TSPAN9: variants seen among roughly 807,000 people sequenced by gnomAD.
TSPAN9 encodes tetraspanin-9.
Under a neutral mutation model 31.0 loss-of-function variants are expected in TSPAN9, and 16 were observed. The observed-to-expected ratio is 0.52, with a 90% CI of 0.35 to 0.78. The LOEUF (loss-of-function observed/expected upper bound fraction) is 0.78, where lower values mean the gene tolerates loss of function less well. Among genes scored for constraint, TSPAN9 ranks in the 30% least tolerant of loss-of-function variants. The probability of loss-of-function intolerance (pLI) is 0.01; values close to 1 mark genes in which losing one functional copy is unlikely to be tolerated. For synonymous variants in TSPAN9, 145 were observed against 121.6 expected (o/e 1.19, Z -1.27); for missense variants, 272 against 312.5 (o/e 0.87, Z 0.98).
intron 2 of TSPAN9, among the ~76,000 whole-genome samples, chr12:3,163,252 A>G (rs192999031): frequency 2.6e-4 from 40 of 152,338 alleles, no homozygotes; most frequent in South Asian, 1.2e-3. Context: ...AAGCCTGCCA[A>G]CTGTTCAAGG....
chr12:3,278,655 C>T, intron 4 of TSPAN9, 43 bp downstream of exon 4: 3 of 1,591,478 alleles, frequency 1.9e-6, no homozygotes, highest in Non-Finnish European at 2.6e-6. Context: ...CTCCTGATCT[C>T]CTTGCACTTG....
At chr12:3,159,434 A>C (rs929754067) in intron 2 of TSPAN9, among the ~76,000 whole-genome samples, 1 of 152,140 alleles carries the variant, frequency 6.6e-6, no homozygotes, top group African/African-American at 2.4e-5. Context: ...TACAGGCTCA[A>C]TTTTGCCCCT....
chr12:3,251,342 G>C lies in TSPAN9; in HGVS notation c.64-27079G>C, dbSNP rs554427840. Among the ~76,000 whole-genome samples, 4 of 152,236 alleles carry C rather than the reference G, an allele frequency of 2.6e-5. No homozygotes were observed. The South Asian group carries it at 8.3e-4, about 32-fold the overall frequency. The stretch of plus-strand genomic sequence containing the variant: ...CCTCGCATTGGTGGCATCCTCCCTG[G>C]TGGAAGGGTGCTGGGGGTGTGGGGA... On this transcript the variant is annotated intron_variant, in intron 3 of 8. Transcript: ENST00000011898.
chr12:3,219,335 G>A (rs1420805175), intron 3 of TSPAN9, among the ~76,000 whole-genome samples: 1 of 152,216 alleles, frequency 6.6e-6, no homozygotes, highest in Non-Finnish European at 1.5e-5. Context: ...AACACTCAAG[G>A]AAGGGTGGCC....
chr12:3,166,775 G>T (rs1039089168), intron 2 of TSPAN9, among the ~76,000 whole-genome samples: 5 of 152,102 alleles, frequency 3.3e-5, no homozygotes, highest in Non-Finnish European at 7.4e-5. Flanking sequence ...TAACAGCATA[G>T]ATTAGTGTTT....
chr12:3,155,616 G>A (rs2098341857), intron 2 of TSPAN9, among the ~76,000 whole-genome samples: 1 of 151,996 alleles, frequency 6.6e-6, no homozygotes, highest in Non-Finnish European at 1.5e-5. Context: ...AAAATAAAGA[G>A]GGAGCGAGAG....
intron 2 of TSPAN9, among the ~76,000 whole-genome samples, chr12:3,125,337 C>G (rs2098326869): frequency 6.6e-6 from 1 of 152,050 alleles, no homozygotes; most frequent in African/African-American, 2.4e-5. Context: ...AGCACAGCAC[C>G]TTTCATTGCA....
intron 3 of TSPAN9, among the ~76,000 whole-genome samples, chr12:3,229,353 G>A (rs1422327308): frequency 1.3e-5 from 2 of 152,166 alleles, no homozygotes; most frequent in Non-Finnish European, 2.9e-5. Context: ...TGGCCTTCGA[G>A]GTGCCTTTGA....
intron 3 of TSPAN9, among the ~76,000 whole-genome samples, chr12:3,237,018 C>T (rs746096320): frequency 2.6e-5 from 4 of 152,054 alleles, no homozygotes; most frequent in East Asian, 1.9e-4. Flanking sequence ...GTGAGCAGTG[C>T]GGTGTGAGGA....
At position 3,107,804 on chromosome 12, in the gene TSPAN9, T is replaced by C. The variant is rs2098315409; in HGVS notation, c.-18+24085T>C. The stretch of plus-strand genomic sequence containing the variant: ...TCCAGATACCTGGTGATATCGCTAG[T>C]GCTACCTGGGCATGAATTCATTTTT... On this transcript the variant is annotated intron_variant, in intron 2 of 8. Coordinates refer to ENST00000011898, the MANE Select transcript of TSPAN9 (RefSeq NM_006675.5). The surrounding 1 kb of genome is among the most constrained non-coding windows in gnomAD (Gnocchi z 4.1). Among the ~76,000 whole-genome samples, 1 of 152,258 alleles carries C rather than the reference T, an allele frequency of 6.6e-6. No individual in the cohort carries two copies. Among genetic ancestry groups the C allele is most frequent in the Admixed American group, 6.5e-5 (1 of 15,288 alleles).
chr12:3,248,640 T>TA (rs11418309), intron 3 of TSPAN9, among the ~76,000 whole-genome samples: 50,032 of 142,906 alleles, frequency 0.35, 8,544 homozygotes, highest in Non-Finnish European at 0.37. Flanking sequence ...ATAGATCATA[T>TA]TTTTTTTTTT....
intron 2 of TSPAN9, among the ~76,000 whole-genome samples, chr12:3,184,423 AAGAGAGAG>A (rs1008467336): frequency 6.6e-6 from 1 of 151,734 alleles, no homozygotes; most frequent in African/African-American, 2.4e-5. Context: ...AAGAAAGAGA[AAGAGAGAG>A]AGAGAAAGAA....
intron 3 of TSPAN9, among the ~76,000 whole-genome samples, chr12:3,245,245 G>A (rs1329696401): frequency 3.3e-5 from 5 of 152,216 alleles, no homozygotes; most frequent in South Asian, 2.1e-4. Context: ...CCTGCCAGCC[G>A]GTGGAGCAGC....
At chr12:3,260,966 C>T (rs542301168) in intron 3 of TSPAN9, among the ~76,000 whole-genome samples, 4 of 152,164 alleles carry the variant, frequency 2.6e-5, no homozygotes, top group Admixed American at 2.6e-4. Context: ...AGCCATATCC[C>T]TTGGGTTGTA....
In TSPAN9 at chr12:3,281,816, A is replaced by C; in HGVS notation, c.647A>C (p.Gln216Pro). The C allele has an allele frequency of 6.2e-7, 1 of 1,614,012 alleles. No individual in the cohort carries two copies. Among genetic ancestry groups the C allele is most frequent in the Non-Finnish European group, 8.5e-7 (1 of 1,179,982 alleles). Residue 216 changes from glutamine to proline, a missense_variant and splice_region_variant, in exon 8 of 9, where the codon CAG becomes CCG. Transcript: ENST00000011898. ...GTGGGGATGTGCATCCTCATCATGC[A>C]GGTAAGAGGGGCGTCCCCAGCAGCC... ...GTVGMCILIM[Q>P]ILGMAFSMTL... is the part of the protein sequence containing the mutation.
chr12:3,081,844 G>GTATATATATATATATATATATATATATA (rs57307487), intron 1 of TSPAN9, among the ~76,000 whole-genome samples: 3 of 116,738 alleles, frequency 2.6e-5, no homozygotes, highest in African/African-American at 3.7e-5. Context: ...GTCTGTGTGT[G>GTATATATATATATATATATATATATATA]TATATATATG....
In TSPAN9 at chr12:3,147,166, A is replaced by C. The variant is rs115662679; in HGVS notation, c.-17-54011A>C. Among the ~76,000 whole-genome samples, 2,138 of 152,204 alleles carry C rather than the reference A, an allele frequency of 0.014. 50 individuals are homozygous for C. The highest frequency in any genetic ancestry group is 0.048 in the African/African-American group (2,005 of 41,528). ...TTTTGAGTTTAGGGTGGAGACTGGAAGCAGGGGAGCCCTGGCCCTCTGCAG... is the reference window on the plus strand; with the variant it reads ...TTTTGAGTTTAGGGTGGAGACTGGACGCAGGGGAGCCCTGGCCCTCTGCAG... On this transcript the variant is annotated intron_variant, in intron 2 of 8. Transcript: ENST00000011898. This position sits in a 1 kb window ranked among gnomAD's most constrained non-coding sequence, Gnocchi z 4.3.
intron 3 of TSPAN9, among the ~76,000 whole-genome samples, chr12:3,219,742 G>A (rs1436192067): frequency 1.3e-5 from 2 of 151,658 alleles, no homozygotes; most frequent in Non-Finnish European, 2.9e-5. Context: ...ATAGCATTAG[G>A]AGAAATACCT....
chr12:3,116,357 G>C (rs552852302), intron 2 of TSPAN9, among the ~76,000 whole-genome samples: 30 of 152,288 alleles, frequency 2.0e-4, no homozygotes, highest in African/African-American at 6.7e-4. Flanking sequence ...ATTGGTAAAA[G>C]GGATGTTTTT....
Sources: allele counts gnomAD v4.1 joint callset (sites outside exome capture counted in the v4.1 genomes callset), GRCh38; gene constraint gnomAD v4.1.1; non-coding constraint Gnocchi (gnomAD v3.1); transcripts MANE v1.5; gene names NCBI Gene and HGNC (gene_info 2026-07-23, HGNC 2026-07-21).